The following EEFSEC variants were observed in gnomAD, a reference collection of about 807,000 sequenced individuals.
The protein encoded by EEFSEC is eukaryotic elongation factor, selenocysteine-tRNA specific, also known as selenocysteine-specific elongation factor.
Under a neutral mutation model 42.1 loss-of-function variants are expected in EEFSEC, and 43 were observed. That is an observed-to-expected ratio of 1.02 (90% CI 0.80 to 1.32). The LOEUF (loss-of-function observed/expected upper bound fraction) is 1.32, where lower values mean the gene tolerates loss of function less well. EEFSEC is among the 40% of genes most tolerant of loss of function. The pLI, the probability that EEFSEC is intolerant of heterozygous loss-of-function variation, is 0.00. For synonymous variants in EEFSEC, 354 were observed against 339.1 expected (o/e 1.04, Z -0.48); for missense variants, 745 against 803.6 (o/e 0.93, Z 0.88).
chr3:128,328,061 CA>C (rs1245943377), intron 4 of EEFSEC, among the ~76,000 whole-genome samples: 1 of 152,226 alleles, frequency 6.6e-6, no homozygotes, highest in African/African-American at 2.4e-5. Flanking sequence ...ACCCTAGGCA[CA>C]TGCTGCCTCC....
intron 1 of EEFSEC, among the ~76,000 whole-genome samples, chr3:128,201,502 C>T (rs1164377960): frequency 6.6e-6 from 1 of 152,122 alleles, no homozygotes; most frequent in Non-Finnish European, 1.5e-5. Context: ...TATTGGCTAT[C>T]TGTAGATCTT....
At chr3:128,366,659 A>G (rs2067594061) in intron 6 of EEFSEC, among the ~76,000 whole-genome samples, 1 of 152,158 alleles carries the variant, frequency 6.6e-6, no homozygotes, top group African/African-American at 2.4e-5. Context: ...TTGTGTGTGG[A>G]AAGTATTTTT....
chr3:128,264,528 T>C, intron 3 of EEFSEC, 89 bp from the exon 4 acceptor site: 1 of 1,461,000 alleles, frequency 6.8e-7, no homozygotes, highest in South Asian at 1.3e-5. Context: ...CTTGATGAAC[T>C]GCTGGTCAGC....
intron 5 of EEFSEC, among the ~76,000 whole-genome samples, chr3:128,350,059 G>C (rs925338082): frequency 6.6e-6 from 1 of 152,226 alleles, no homozygotes; most frequent in Non-Finnish European, 1.5e-5. Flanking sequence ...AAGGCCTTAG[G>C]GCTGGGCCAC....
intron 6 of EEFSEC, among the ~76,000 whole-genome samples, chr3:128,374,576 T>G (rs1448223062): frequency 6.6e-6 from 1 of 152,140 alleles, no homozygotes; most frequent in Non-Finnish European, 1.5e-5. Flanking sequence ...CTGGCACTAA[T>G]TGTGGCTCAA....
chr3:128,168,182 G>C (rs1012033323), intron 1 of EEFSEC, among the ~76,000 whole-genome samples: 2 of 152,204 alleles, frequency 1.3e-5, no homozygotes, highest in Middle Eastern at 3.2e-3. Flanking sequence ...GCCTGTGGCT[G>C]ATGCCAGTAA....
intron 4 of EEFSEC, among the ~76,000 whole-genome samples, chr3:128,298,182 G>A (rs1273056684): frequency 6.6e-6 from 1 of 151,990 alleles, no homozygotes; most frequent in Non-Finnish European, 1.5e-5. Context: ...TTGCTTTTCT[G>A]AGACAGGGTC....
chr3:128,332,337 CTTGGGACCAGAAGTG>C, intron 4 of EEFSEC, among the ~76,000 whole-genome samples: 1 of 152,338 alleles, frequency 6.6e-6, no homozygotes, highest in South Asian at 2.1e-4. Flanking sequence ...ATCCGAAATG[CTTGGGACCAGAAGTG>C]TTTCGATTTC....
chr3:128,163,135 C>T (rs1341277508), intron 1 of EEFSEC, among the ~76,000 whole-genome samples: 1 of 152,136 alleles, frequency 6.6e-6, no homozygotes, highest in African/African-American at 2.4e-5. Flanking sequence ...TCTGTGTCCC[C>T]TTTACCAGTA....
chr3:128,283,465 C>G (rs1193092047), intron 4 of EEFSEC, among the ~76,000 whole-genome samples: 2 of 152,178 alleles, frequency 1.3e-5, no homozygotes, highest in Admixed American at 1.3e-4. Context: ...CTTCCATGCA[C>G]TTACTTTGTT....
At position 128,206,432 on chromosome 3, in the gene EEFSEC, G is replaced by T. The variant is rs2065697328; in HGVS notation, c.317-40404G>T. 2.6e-5 allele frequency among the ~76,000 whole-genome samples: 4 copies of T among 152,286 alleles called. No homozygotes were observed. The South Asian group carries it at 8.3e-4, about 32-fold the overall frequency. On this transcript the variant is annotated intron_variant, in intron 1 of 6. Coordinates refer to ENST00000254730, the MANE Select transcript of EEFSEC (RefSeq NM_021937.5). The stretch of plus-strand genomic sequence containing the variant: ...CATTAGAGGAAGGGGTGTTGGGAAA[G>T]GTTCCATCTCTGCTGTGGGATTAAC...
intron 4 of EEFSEC, among the ~76,000 whole-genome samples, chr3:128,338,789 C>T (rs904515380): frequency 1.6e-4 from 25 of 152,070 alleles, no homozygotes; most frequent in African/African-American, 5.8e-4. Flanking sequence ...CAGCAGATTG[C>T]CTTGTGGGGC....
At chr3:128,211,946 G>A (rs1228570157) in intron 1 of EEFSEC, among the ~76,000 whole-genome samples, 4 of 121,488 alleles carry the variant, frequency 3.3e-5, no homozygotes, top group Admixed American at 1.1e-4. Flanking sequence ...TGTAAGCTCC[G>A]CCTCCCGGGT....
At chr3:128,199,601 C>G (rs2065621932) in intron 1 of EEFSEC, among the ~76,000 whole-genome samples, 2 of 152,148 alleles carry the variant, frequency 1.3e-5, no homozygotes, top group African/African-American at 4.8e-5. Context: ...TGAACGTAAT[C>G]TCTTTGCACC....
chr3:128,168,156 A>G (rs928631426), intron 1 of EEFSEC, among the ~76,000 whole-genome samples: 3 of 152,262 alleles, frequency 2.0e-5, no homozygotes, highest in Admixed American at 1.3e-4. Context: ...GGGATGGGGA[A>G]ATGAGCGTAA....
At chr3:128,220,535 G>C (rs969185791) in intron 1 of EEFSEC, among the ~76,000 whole-genome samples, 1 of 152,144 alleles carries the variant, frequency 6.6e-6, no homozygotes, top group Non-Finnish European at 1.5e-5. Flanking sequence ...ATTCCCTGGT[G>C]AAGTATGGCT....
intron 5 of EEFSEC, among the ~76,000 whole-genome samples, chr3:128,352,057 G>A (rs1386236167): frequency 3.3e-5 from 5 of 152,180 alleles, no homozygotes; most frequent in African/African-American, 1.2e-4. Context: ...TGATCTCTGA[G>A]GTCTCTTTCC....
At chr3:128,346,975 G>A (rs191197380) in intron 5 of EEFSEC, among the ~76,000 whole-genome samples, 17 of 152,274 alleles carry the variant, frequency 1.1e-4, no homozygotes, top group Admixed American at 9.8e-4. Flanking sequence ...TGACCCTTTG[G>A]CTATAGTTTT....
intron 6 of EEFSEC, among the ~76,000 whole-genome samples, chr3:128,365,625 C>T (rs1319429129): frequency 6.6e-6 from 1 of 152,096 alleles, no homozygotes; most frequent in Non-Finnish European, 1.5e-5. Flanking sequence ...CTCACATGTC[C>T]ACTGAGGGCC....
Sources: gnomAD v4.1 joint callset for allele counts (sites outside exome capture counted in the v4.1 genomes callset) on GRCh38, gnomAD v4.1.1 for gene constraint, MANE v1.5 for transcripts, NCBI Gene and HGNC (gene_info 2026-07-23, HGNC 2026-07-21) for gene names.